STAG1: variants seen among roughly 807,000 people sequenced by gnomAD.
STAG1 encodes the protein STAG1 cohesin complex component.
Under a neutral mutation model 170.9 loss-of-function variants are expected in STAG1, and 26 were observed. The observed-to-expected ratio is 0.15, with a 90% CI of 0.11 to 0.21. The LOEUF is 0.21. Ranked by LOEUF, STAG1 falls within the 10% of genes least tolerant of loss-of-function variation. The pLI is 1.00. For synonymous variants in STAG1, 514 were observed against 497.7 expected, an observed-to-expected ratio of 1.03 and a Z score of -0.44; for missense variants, 964 against 1,509.5, an observed-to-expected ratio of 0.64 and a Z score of 5.99.
chr3:136,611,844 T>C (rs535655512), intron 3 of STAG1, among the ~76,000 whole-genome samples: 3 of 151,032 alleles, frequency 2.0e-5, no homozygotes, highest in African/African-American at 7.3e-5. Flanking sequence ...TAAGGTTATG[T>C]GTGGAATTTT....
chr3:136,550,439 C>T (rs1480296228), intron 5 of STAG1, among the ~76,000 whole-genome samples: 1 of 151,844 alleles, frequency 6.6e-6, no homozygotes, highest in Non-Finnish European at 1.5e-5. Context: ...TCCCGAGTAG[C>T]TGGGATTACA....
rs1020244326 is a variant in STAG1 at position 136,590,696 on chromosome 3, A to G, written c.297+13613T>C. On this transcript the variant is annotated intron_variant, in intron 4 of 33. Transcript: ENST00000383202. ...TGATGAGCTGTAACTGTAGAGTATA[A>G]AAATGAAGGAGTATAAAGGTAATTC... Among the ~76,000 whole-genome samples, 6 of 152,158 alleles carry G rather than the reference A, an allele frequency of 3.9e-5. No individual in the cohort carries two copies. In the South Asian group the frequency reaches 1.2e-3, roughly 31 times the overall value.
chr3:136,615,997 A>C (rs1285031551), intron 3 of STAG1, among the ~76,000 whole-genome samples: 2 of 151,366 alleles, frequency 1.3e-5, no homozygotes, highest in African/African-American at 2.4e-5. Flanking sequence ...CGCTGGGCGC[A>C]GTGGCTCGCA....
chr3:136,616,567 AGAG>A (rs1396502299), intron 3 of STAG1, among the ~76,000 whole-genome samples: 2 of 152,218 alleles, frequency 1.3e-5, no homozygotes, highest in African/African-American at 2.4e-5. Context: ...AATTTTTTAT[AGAG>A]ATCTTTGTTT....
At chr3:136,492,374 G>A (rs1214966464) in intron 9 of STAG1, among the ~76,000 whole-genome samples, 6 of 152,186 alleles carry the variant, frequency 3.9e-5, no homozygotes, top group African/African-American at 1.4e-4. Flanking sequence ...ATAATAGGTT[G>A]AAAGCTTTGT....
At chr3:136,692,747 A>G (rs1001585671) in intron 1 of STAG1, among the ~76,000 whole-genome samples, 1 of 152,256 alleles carries the variant, frequency 6.6e-6, no homozygotes, top group Non-Finnish European at 1.5e-5. Context: ...TTGGGAGAAT[A>G]GAAGTCTTAT....
intron 3 of STAG1, among the ~76,000 whole-genome samples, chr3:136,611,169 GAC>G (rs1939256134): frequency 6.6e-6 from 1 of 151,700 alleles, no homozygotes; most frequent in Admixed American, 6.6e-5. Flanking sequence ...TTTTCTTTTA[GAC>G]ACAGTTTCAC....
At chr3:136,751,010 A>G (rs559646081) in intron 1 of STAG1, among the ~76,000 whole-genome samples, 19 of 152,336 alleles carry the variant, frequency 1.2e-4, no homozygotes, top group African/African-American at 2.6e-4. Context: ...CAAATTCCAG[A>G]TAAGTTACAA....
intron 16 of STAG1, among the ~76,000 whole-genome samples, chr3:136,431,799 T>C (rs1158628338): frequency 6.6e-6 from 1 of 151,862 alleles, no homozygotes. Context: ...CTATTGCTAC[T>C]GCCCTCTACA....
chr3:136,678,881 AG>A (rs376827925), intron 1 of STAG1, among the ~76,000 whole-genome samples: 8 of 150,318 alleles, frequency 5.3e-5, no homozygotes, highest in South Asian at 4.2e-4. Context: ...AAGAAGAAAA[AG>A]AAAAAAAAAA....
intron 3 of STAG1, among the ~76,000 whole-genome samples, chr3:136,619,747 ACT>A (rs200471448): frequency 0.012 from 1,338 of 108,782 alleles, 12 homozygotes; most frequent in Middle Eastern, 0.019. Context: ...ACAGCGCGAG[ACT>A]CTGTCTCAAA....
chr3:136,376,884 G>A (rs1254976186), intron 23 of STAG1, among the ~76,000 whole-genome samples: 2 of 151,584 alleles, frequency 1.3e-5, no homozygotes, highest in African/African-American at 2.4e-5. Flanking sequence ...TCTGTCTCCC[G>A]GGTTCATGCG....
chr3:136,574,427 T>G (rs562602492), intron 4 of STAG1, among the ~76,000 whole-genome samples: 1 of 152,192 alleles, frequency 6.6e-6, no homozygotes, highest in East Asian at 1.9e-4. Context: ...TTCTTATGGT[T>G]TATGTTTGCA....
At chr3:136,402,692 G>A (rs2087363094) in intron 21 of STAG1, among the ~76,000 whole-genome samples, 1 of 150,866 alleles carries the variant, frequency 6.6e-6, no homozygotes, top group African/African-American at 2.4e-5. Context: ...ATTACCGGGT[G>A]TGGTGGCACA....
At chr3:136,606,009 C>T (rs901809088) in intron 3 of STAG1, among the ~76,000 whole-genome samples, 29 of 151,696 alleles carry the variant, frequency 1.9e-4, no homozygotes, top group African/African-American at 6.8e-4. Flanking sequence ...GAGTTCATTG[C>T]TTAATTTTTA....
At chr3:136,447,396 G>A (rs1329058050) in intron 14 of STAG1, among the ~76,000 whole-genome samples, 1 of 151,720 alleles carries the variant, frequency 6.6e-6, no homozygotes, top group Non-Finnish European at 1.5e-5. Context: ...TTGATCCCAG[G>A]AGGCGGAGGG....
intron 22 of STAG1, among the ~76,000 whole-genome samples, chr3:136,394,079 TG>T (rs1356584958): frequency 1.3e-5 from 2 of 152,154 alleles, no homozygotes; most frequent in Admixed American, 6.5e-5. Context: ...AGCAAATTTT[TG>T]TATTTTTAGT....
At chr3:136,394,096 C>A (rs143633436) in intron 22 of STAG1, among the ~76,000 whole-genome samples, 1 of 152,046 alleles carries the variant, frequency 6.6e-6, no homozygotes, top group African/African-American at 2.4e-5. Context: ...TTAGTAGAGA[C>A]GGGGTTTCGC....
At chr3:136,580,813 G>A (rs1320553081) in intron 4 of STAG1, among the ~76,000 whole-genome samples, 8 of 151,632 alleles carry the variant, frequency 5.3e-5, no homozygotes, top group South Asian at 2.1e-4. Context: ...GATTACAGGC[G>A]TGAGCCACCG....
Sources: gnomAD v4.1 joint callset for allele counts (sites outside exome capture counted in the v4.1 genomes callset) on GRCh38, gnomAD v4.1.1 for gene constraint, MANE v1.5 for transcripts, NCBI Gene and HGNC (gene_info 2026-07-23, HGNC 2026-07-21) for gene names.